The following DENND2A variants were observed in gnomAD, a reference collection of about 807,000 sequenced individuals.
DENND2A encodes DENN domain containing 2A, also known as DENN domain-containing protein 2A.
Under a neutral mutation model 105.3 loss-of-function variants are expected in DENND2A, and 53 were observed. That is an observed-to-expected ratio of 0.50 (90% CI 0.40 to 0.63). The LOEUF (loss-of-function observed/expected upper bound fraction) is 0.63. Ranked by LOEUF, DENND2A falls within the 30% of genes least tolerant of loss-of-function variation. DENND2A has a pLI of 0.00. For missense variants in DENND2A, 1,138 were observed against 1,279.6 expected (o/e 0.89, Z 1.69); for synonymous variants, 522 against 508.4 (o/e 1.03, Z -0.36).
Position 140,601,810 on chromosome 7 carries a change from C to G in DENND2A, c.588G>C (p.Glu196Asp), listed in dbSNP as rs1293084331. 6.2e-7 allele frequency: 1 copy of G among 1,614,114 alleles called. No homozygotes were observed. ...GGTTCTCAGGAAGGGTGGACCCTGC[C>G]TCTGCCTTGTCAGGAGGGCAGTGTG... ...YSPHCPPDKAEAGSTLPENLG... is the reference protein window; with the variant it reads ...YSPHCPPDKADAGSTLPENLG... Residue 196 changes from glutamate to aspartate, a missense_variant, in exon 3 of 20, where the codon GAG (glutamate) becomes GAC (aspartate). Physicochemically the swap from Glu to Asp is conservative, Grantham distance 45. Around this residue, in one of 2 missense-constraint regions of DENND2A, gnomAD observed 511 missense variants for 499.9 expected, o/e 1.02. Transcript: ENST00000496613.
At chr7:140,629,100 C>T (rs1270916603) in intron 1 of DENND2A, among the ~76,000 whole-genome samples, 1 of 152,120 alleles carries the variant, frequency 6.6e-6, no homozygotes, top group Admixed American at 6.6e-5. Context: ...TCACAGAAAA[C>T]TCAAGAGGAA....
rs914746152 is a variant in DENND2A, at chr7:140,518,575, C to T, written c.*132G>A. On this transcript the variant is annotated 3_prime_UTR_variant, in exon 20 of 20. Coordinates refer to ENST00000496613, the MANE Select transcript of DENND2A (RefSeq NM_015689.5). Reference sequence around the variant, plus strand: ...CCTCATCCAGGGAAGAGCCCAGCCTCGGCCAGAAGCCACCGCGGCCTCCAG... The same window carrying T: ...CCTCATCCAGGGAAGAGCCCAGCCTTGGCCAGAAGCCACCGCGGCCTCCAG... The T allele has an allele frequency of 1.3e-5, 12 of 906,786 alleles. No individual in the cohort carries two copies. Among genetic ancestry groups the T allele is most frequent in the South Asian group, 1.1e-4 (6 of 54,070 alleles). 56.2% of individuals were successfully genotyped at this position (906,786 alleles called of 1,614,324 possible).
rs911801631 is a variant in DENND2A, at chr7:140,567,370, G to A, written c.1592-97C>T. The stretch of plus-strand genomic sequence containing the variant: ...ACAGAGTGAGCAAAGAGCCTGAAAT[G>A]ACCATGAGTCCATGTGGAATTGTGC... On this transcript the variant is annotated intron_variant, in intron 8 of 19. Transcript: ENST00000496613. The A allele has an allele frequency of 4.9e-4, 534 of 1,097,642 alleles. 4 individuals carry two copies. The highest frequency in any genetic ancestry group is 3.0e-4 in the Middle Eastern group (1 of 3,294). 68.0% of individuals were successfully genotyped at this position (1,097,642 alleles called of 1,614,324 possible).
chr7:140,535,457 C>G (rs752469005), intron 14 of DENND2A, among the ~76,000 whole-genome samples: 5 of 152,176 alleles, frequency 3.3e-5, no homozygotes, highest in Non-Finnish European at 5.9e-5. Context: ...CTGTTACTCT[C>G]TGCGTGATCT....
chr7:140,597,552 A>G (rs1799328781), intron 3 of DENND2A, among the ~76,000 whole-genome samples: 2 of 152,244 alleles, frequency 1.3e-5, no homozygotes, highest in Admixed American at 1.3e-4. Flanking sequence ...AACCATATTC[A>G]AACTGGCCAA....
At chr7:140,594,686 C>T (rs1799212107) in intron 3 of DENND2A, among the ~76,000 whole-genome samples, 1 of 152,150 alleles carries the variant, frequency 6.6e-6, no homozygotes, top group East Asian at 1.9e-4. Flanking sequence ...TCGATAGGTG[C>T]GTGGTAAATA....
intron 9 of DENND2A, among the ~76,000 whole-genome samples, chr7:140,565,883 C>A (rs151047151): frequency 6.6e-6 from 1 of 152,102 alleles, no homozygotes; most frequent in African/African-American, 2.4e-5. Context: ...TCTGGTAGTC[C>A]TCACTGCTAC....
chr7:140,613,539 C>CA (rs769852380), intron 1 of DENND2A, among the ~76,000 whole-genome samples: 7,618 of 94,098 alleles, frequency 0.081, 633 homozygotes, highest in African/African-American at 0.23. Context: ...GACTCTGTCT[C>CA]AAAAAAAAAA....
chr7:140,589,421 C>T (rs545842793), intron 3 of DENND2A, among the ~76,000 whole-genome samples: 32 of 152,268 alleles, frequency 2.1e-4, no homozygotes, highest in African/African-American at 6.7e-4. Flanking sequence ...TGAGGAGATG[C>T]TATGAACCCT....
At position 140,602,349 on chromosome 7, in the gene DENND2A, C is replaced by T. The variant is rs930688051; in HGVS notation, c.49G>A (p.Ala17Thr). 2.5e-6 allele frequency: 4 copies of T among 1,594,122 alleles called. No homozygotes were observed. The highest frequency in any genetic ancestry group is 2.6e-6 in the Non-Finnish European group (3 of 1,174,476). The change falls in exon 3 of 20, where the codon GCC becomes ACC. Residue 17 changes from alanine to threonine, a missense_variant. Ala to Thr is a moderately conservative substitution (Grantham distance 58). Around this residue, in one of 2 missense-constraint regions of DENND2A, gnomAD observed 511 missense variants for 499.9 expected, o/e 1.02. Coordinates refer to ENST00000496613, the MANE Select transcript of DENND2A (RefSeq NM_015689.5). The stretch of plus-strand genomic sequence containing the variant: ...AGCTGCTTCTTCCCAGCCCTGCTGG[C>T]TTCTGCAGCTGGGTCACTGATGATC... ...DMIISDPAAE[A>T]SRAGKKQLRG...
In DENND2A at chr7:140,573,992, G is replaced by A; in HGVS notation, c.1262C>T (p.Pro421Leu). The A allele has an allele frequency of 1.9e-6, 3 of 1,614,106 alleles. No individual in the cohort carries two copies. Among genetic ancestry groups the A allele is most frequent in the Non-Finnish European group, 2.5e-6 (3 of 1,180,018 alleles). Residue 421 changes from proline (P) to leucine (L), a missense_variant, in exon 6 of 20, where the codon CCT becomes CTT. Pro to Leu is a moderately conservative substitution (Grantham distance 98). Around this residue, in one of 2 missense-constraint regions of DENND2A, gnomAD observed 627 missense variants for 779.8 expected, o/e 0.80. Transcript: ENST00000496613. ...DTLTKQSLSK[P>L]AFFRQNSERR... ...CTCTGAATTTTGTCGGAAAAAAGCA[G>A]GTTTGGACAATGACTGCTGTGAAGG...
intron 11 of DENND2A, among the ~76,000 whole-genome samples, chr7:140,556,250 T>A (rs189287875): frequency 3.2e-4 from 49 of 152,164 alleles, no homozygotes; most frequent in Admixed American, 2.7e-3. Context: ...ACTCCTGACC[T>A]CATGATCTGC....
chr7:140,557,601 G>A lies in DENND2A; in HGVS notation c.1959+542C>T, dbSNP rs866505567. Among the ~76,000 whole-genome samples the A allele has an allele frequency of 3.3e-5, 4 of 120,292 alleles. No homozygotes were observed. In the South Asian group the frequency reaches 1.3e-3, roughly 39 times the overall value. 78.9% of individuals were successfully genotyped at this position (120,292 alleles called of 152,430 possible). Reference sequence around the variant, plus strand: ...GTCGCCCAGGCTGGAGTGCAGTGGCGCGATCTCGACTCACTGCAAGCTCCG... The same window carrying A: ...GTCGCCCAGGCTGGAGTGCAGTGGCACGATCTCGACTCACTGCAAGCTCCG... On this transcript the variant is annotated intron_variant, in intron 11 of 19. Coordinates refer to ENST00000496613, the MANE Select transcript of DENND2A (RefSeq NM_015689.5).
At chr7:140,628,295 G>A (rs1436884911) in intron 1 of DENND2A, among the ~76,000 whole-genome samples, 3 of 152,190 alleles carry the variant, frequency 2.0e-5, no homozygotes, top group Non-Finnish European at 4.4e-5. Context: ...AGAAGTCAGG[G>A]TGCACAGTGA....
intron 6 of DENND2A, among the ~76,000 whole-genome samples, 199 bp from the exon 7 acceptor site, chr7:140,569,937 CA>C: frequency 6.6e-6 from 1 of 152,032 alleles, no homozygotes; most frequent in Non-Finnish European, 1.5e-5. Flanking sequence ...TCTTGTCGAC[CA>C]GACTGGGGTG....
In DENND2A at chr7:140,547,738, T is replaced by G. The variant is rs180799384; in HGVS notation, c.2038-799A>C. Reference sequence around the variant, plus strand: ...AGCCACAACACAGAAGAAACTTAAATGTCCATTAACTGATGAAGTGATAAA... The same window carrying G: ...AGCCACAACACAGAAGAAACTTAAAGGTCCATTAACTGATGAAGTGATAAA... On this transcript the variant is annotated intron_variant, in intron 12 of 19. Coordinates refer to ENST00000496613, the MANE Select transcript of DENND2A (RefSeq NM_015689.5). Among the ~76,000 whole-genome samples, 9 of 152,338 alleles carry G rather than the reference T, an allele frequency of 5.9e-5. No individual in the cohort carries two copies. The East Asian group carries it at 1.5e-3, about 26-fold the overall frequency.
chr7:140,560,925 C>T (rs74570683), intron 9 of DENND2A, among the ~76,000 whole-genome samples: 3,301 of 149,702 alleles, frequency 0.022, 118 homozygotes, highest in African/African-American at 0.076. Context: ...CAGAACAAGA[C>T]GCTAAGAAAA....
rs1007274141 is a variant in DENND2A, at chr7:140,555,566, G to T, written c.2037+70C>A. 23 of 1,337,738 alleles carry T rather than the reference G, an allele frequency of 1.7e-5. No homozygotes were observed. The Admixed American group carries it at 2.6e-4, about 15-fold the overall frequency. 82.9% of individuals were successfully genotyped at this position (1,337,738 alleles called of 1,614,324 possible). A position where few individuals can be genotyped will look rare whatever the true frequency, so the allele number is the denominator to read the frequency against. On this transcript the variant is annotated intron_variant, in intron 12 of 19. Transcript: ENST00000496613. The stretch of plus-strand genomic sequence containing the variant: ...ATGATAGAAGGCCCAGGACATGGGG[G>T]TATTCCCTGGAGCCCTCTAGAGCCC...
At chr7:140,526,567 C>T (rs528082039) in intron 15 of DENND2A, among the ~76,000 whole-genome samples, 4 of 152,308 alleles carry the variant, frequency 2.6e-5, no homozygotes, top group East Asian at 1.9e-4. Context: ...TCACACCCTC[C>T]GGGGTTGAAC....
Sources: gnomAD v4.1 joint callset for allele counts (sites outside exome capture counted in the v4.1 genomes callset) on GRCh38, gnomAD v4.1.1 for gene constraint, gnomAD v4.1.1 regional missense constraint, MANE v1.5 for transcripts, NCBI Gene and HGNC (gene_info 2026-07-23, HGNC 2026-07-21) for gene names.